DGKH: variants seen among roughly 807,000 people sequenced by gnomAD.
DGKH encodes diacylglycerol kinase eta.
DGKH carries 90 observed loss-of-function variants against 159.3 expected under a neutral mutation model. The observed-to-expected ratio is 0.57, with a 90% CI of 0.48 to 0.67. The LOEUF (loss-of-function observed/expected upper bound fraction) is 0.67. Among genes scored for constraint, DGKH ranks in the 30% least tolerant of loss-of-function variants. The probability of loss-of-function intolerance (pLI) is 0.00; values close to 1 mark genes in which losing one functional copy is unlikely to be tolerated. For missense variants in DGKH, 1,181 were observed against 1,506.1 expected (o/e 0.78, Z 3.57); for synonymous variants, 536 against 553.8 (o/e 0.97, Z 0.45).
At chr13:42,105,255 G>A (rs766204785) in intron 1 of DGKH, among the ~76,000 whole-genome samples, 1 of 151,572 alleles carries the variant, frequency 6.6e-6, no homozygotes, top group Admixed American at 6.6e-5. Flanking sequence ...GAGGGCCAGA[G>A]AGAGAGAGAG....
At chr13:42,104,085 A>G (rs1195132589) in intron 1 of DGKH, among the ~76,000 whole-genome samples, 2 of 152,192 alleles carry the variant, frequency 1.3e-5, no homozygotes, top group African/African-American at 4.8e-5. Context: ...GGGTGCCTCT[A>G]ATATAGCTTA....
At chr13:42,160,623 A>G (rs989855609) in intron 7 of DGKH, among the ~76,000 whole-genome samples, 2 of 152,210 alleles carry the variant, frequency 1.3e-5, no homozygotes, top group Admixed American at 6.5e-5. Flanking sequence ...CTGTGTGAAG[A>G]CAGTCAGAGT....
intron 1 of DGKH, among the ~76,000 whole-genome samples, chr13:42,094,428 T>C (rs954031750): frequency 6.6e-6 from 1 of 152,182 alleles, no homozygotes; most frequent in African/African-American, 2.4e-5. Context: ...TAAATTAGAG[T>C]TGGGCTTGGG....
intron 1 of DGKH, among the ~76,000 whole-genome samples, chr13:42,101,276 G>A (rs1165637998): frequency 6.6e-6 from 1 of 152,150 alleles, no homozygotes; most frequent in African/African-American, 2.4e-5. Context: ...TAGAACTTAT[G>A]GTTAAAGAAA....
chr13:42,126,106 CT>C (rs1955165602), intron 1 of DGKH, among the ~76,000 whole-genome samples: 1 of 152,132 alleles, frequency 6.6e-6, no homozygotes, highest in Non-Finnish European at 1.5e-5. Flanking sequence ...AGTTTGCTTT[CT>C]TTTTTCCTTC....
At chr13:42,214,649 C>G (rs769056627) in intron 25 of DGKH, 37 bp downstream of exon 25, 1 of 1,597,868 alleles carries the variant, frequency 6.3e-7, no homozygotes, top group Non-Finnish European at 8.5e-7. Context: ...TCCACAGATT[C>G]TTTTGGGTGT....
At chr13:42,256,106 C>T in intron 30 of DGKH, 1 of 1,198,770 alleles carries the variant, frequency 8.3e-7, no homozygotes, top group Non-Finnish European at 1.2e-6. Context: ...TAGTATCATG[C>T]CAGGCAAGGT....
At chr13:42,045,797 A>G (rs2137627021), upstream of DGKH, among the ~76,000 whole-genome samples, 1 of 152,368 alleles carries the variant, frequency 6.6e-6, no homozygotes, top group South Asian at 2.1e-4. Flanking sequence ...AATATTTAAG[A>G]TAAAGCCATA....
chr13:42,232,377 T>C lies in DGKH; in HGVS notation c.*3189T>C, dbSNP rs1308460958. ...TCCATTTCCTGAGGAAGAACTTGCT[T>C]TTAAAGGAGGAAAGGGACAGAATCA... is the stretch of plus-strand genomic sequence containing the variant. On this transcript the variant is annotated 3_prime_UTR_variant, in exon 30 of 30. Transcript: ENST00000337343. The C allele has an allele frequency of 6.6e-6, 1 of 152,202 alleles. No homozygotes were observed. The highest frequency in any genetic ancestry group is 1.9e-4 in the East Asian group (1 of 5,198). 9.4% of individuals were successfully genotyped at this position (152,202 alleles called of 1,614,324 possible).
chr13:42,255,322 T>G (rs1172535452), intron 30 of DGKH, among the ~76,000 whole-genome samples: 1 of 152,022 alleles, frequency 6.6e-6, no homozygotes, highest in Non-Finnish European at 1.5e-5. Context: ...AAAACCAACT[T>G]AAATGGGGAG....
At chr13:42,218,714 G>T (rs1182639224) in intron 26 of DGKH, among the ~76,000 whole-genome samples, 2 of 151,878 alleles carry the variant, frequency 1.3e-5, no homozygotes, top group African/African-American at 4.8e-5. Flanking sequence ...TCATCATGTT[G>T]GCCAGTCTGG....
At chr13:42,189,687 G>A (rs978944223) in intron 15 of DGKH, among the ~76,000 whole-genome samples, 1 of 152,076 alleles carries the variant, frequency 6.6e-6, no homozygotes, top group African/African-American at 2.4e-5. Flanking sequence ...AATTTTTTGA[G>A]AAAGGGTCTC....
intron 1 of DGKH, among the ~76,000 whole-genome samples, chr13:42,126,700 T>C (rs1955177779): frequency 6.6e-6 from 1 of 152,188 alleles, no homozygotes; most frequent in Non-Finnish European, 1.5e-5. Flanking sequence ...ATGCCTCAAA[T>C]ATCCATGTTG....
chr13:42,061,884 T>G (rs185481580), intron 1 of DGKH, among the ~76,000 whole-genome samples: 78 of 152,250 alleles, frequency 5.1e-4, no homozygotes, highest in African/African-American at 1.8e-3. Context: ...GAGAAGTTAA[T>G]TAACGTATAC....
intron 5 of DGKH, among the ~76,000 whole-genome samples, 164 bp downstream of exon 5, chr13:42,155,963 C>T (rs1189712585): frequency 6.6e-6 from 1 of 151,742 alleles, no homozygotes; most frequent in Non-Finnish European, 1.5e-5. Context: ...AGGAAACATA[C>T]ATCAAAATAC....
chr13:42,080,154 C>T (rs1954173270), intron 1 of DGKH, among the ~76,000 whole-genome samples: 1 of 152,152 alleles, frequency 6.6e-6, no homozygotes. Context: ...TGCTACTTAA[C>T]ATGGTAATTT....
At chr13:42,073,295 G>A (rs912681003) in intron 1 of DGKH, among the ~76,000 whole-genome samples, 4 of 152,158 alleles carry the variant, frequency 2.6e-5, no homozygotes, top group Non-Finnish European at 5.9e-5. Context: ...TGTATTTTGT[G>A]CAGGAGATCA....
intron 3 of DGKH, among the ~76,000 whole-genome samples, chr13:42,147,768 C>A (rs547141424): frequency 6.6e-6 from 1 of 152,176 alleles, no homozygotes; most frequent in Non-Finnish European, 1.5e-5. Flanking sequence ...GAAAAAACTT[C>A]TCAATTTCCC....
chr13:42,146,845 A>G (rs1397516814), intron 3 of DGKH, among the ~76,000 whole-genome samples: 1 of 152,216 alleles, frequency 6.6e-6, no homozygotes, highest in African/African-American at 2.4e-5. Flanking sequence ...TAGGAGGGAT[A>G]TGTGCTTTTC....
Sources: allele counts gnomAD v4.1 joint callset (sites outside exome capture counted in the v4.1 genomes callset), GRCh38; gene constraint gnomAD v4.1.1; transcripts MANE v1.5; gene names NCBI Gene and HGNC (gene_info 2026-07-23, HGNC 2026-07-21).